Variants in ABCF2 observed in about 807,000 individuals in gnomAD.
ABCF2 encodes ATP-binding cassette sub-family F member 2.
Under a neutral mutation model 76.9 loss-of-function variants are expected in ABCF2, and 37 were observed. That is an observed-to-expected ratio of 0.48 (90% CI 0.37 to 0.63). ABCF2 has a LOEUF of 0.63. Ranked by LOEUF, ABCF2 falls within the 30% of genes least tolerant of loss-of-function variation. The pLI is 0.00. For missense variants in ABCF2, 524 were observed against 782.1 expected (o/e 0.67, Z 3.94); for synonymous variants, 299 against 283.7 (o/e 1.05, Z -0.54).
chr7:151,221,151 G>A (rs1279373880), intron 7 of ABCF2, among the ~76,000 whole-genome samples: 2 of 151,772 alleles, frequency 1.3e-5, no homozygotes, highest in African/African-American at 2.4e-5. Flanking sequence ...AGGACTCCTT[G>A]TCCATATCTT....
intron 7 of ABCF2, among the ~76,000 whole-genome samples, chr7:151,219,368 C>T (rs1237884139): frequency 6.6e-6 from 1 of 152,218 alleles, no homozygotes; most frequent in African/African-American, 2.4e-5. Context: ...TCAGCCCAGC[C>T]AGGGCCAGGC....
chr7:151,225,793 G>A (rs1165147629), intron 2 of ABCF2, among the ~76,000 whole-genome samples: 2 of 152,142 alleles, frequency 1.3e-5, no homozygotes, highest in South Asian at 2.1e-4. Flanking sequence ...GAGGGAAGAC[G>A]GTAGTGCCTC....
chr7:151,226,349 G>A lies in ABCF2; in HGVS notation c.110C>T (p.Pro37Leu). The A allele has an allele frequency of 6.2e-7, 1 of 1,614,074 alleles. No individual in the cohort carries two copies. The highest frequency in any genetic ancestry group is 8.5e-7 in the Non-Finnish European group (1 of 1,180,006). Residue 37 changes from proline (P) to leucine (L), a missense_variant, in exon 2 of 15, where the codon CCA (proline) becomes CTA (leucine). Transcript: ENST00000287844. ...HEENGDVVTE[P>L]QVAEKNEANG... ...GGCCTCATTCTTCTCTGCCACCTGT[G>A]GTTCTGTGACAACATCTCCATTTTC...
intron 7 of ABCF2, among the ~76,000 whole-genome samples, chr7:151,219,496 CT>C (rs1447141678): frequency 6.6e-6 from 1 of 152,136 alleles, no homozygotes; most frequent in Non-Finnish European, 1.5e-5. Context: ...CCTCCTATTC[CT>C]TCCCCGTTCC....
rs779314803 is a variant in ABCF2 at position 151,219,072 on chromosome 7, G to A, written c.1009C>T (p.His337Tyr). 1 of 1,613,998 alleles carries A rather than the reference G, an allele frequency of 6.2e-7. No individual in the cohort carries two copies. The highest frequency in any genetic ancestry group is 8.5e-7 in the Non-Finnish European group (1 of 1,180,006). ...CTCTGCAGTCTCCCTACCTTCATGT[G>A]TGCAATCTGATCTTGCTCCCAGTGA... ...RFHWEQDQIA[H>Y]MKNYIARFGH... The change falls in exon 8 of 15, where the codon CAC (histidine) becomes TAC (tyrosine). Residue 337 changes from histidine (H) to tyrosine (Y), a missense_variant. His to Tyr is a moderately conservative substitution (Grantham distance 83). Coordinates refer to ENST00000287844, the MANE Select transcript of ABCF2 (RefSeq NM_007189.3).
intron 7 of ABCF2, among the ~76,000 whole-genome samples, chr7:151,219,912 A>T (rs1294751117): frequency 6.6e-6 from 1 of 152,100 alleles, no homozygotes; most frequent in Admixed American, 6.6e-5. Context: ...CAGCCTAGCC[A>T]ACATGGCGAA....
Position 151,223,869 on chromosome 7 carries a change from A to G in ABCF2, c.551-20T>C, listed in dbSNP as rs767513092. ...ACTCCGCTGTGGACAGTGTATGGCC[A>G]TGAGGCTCCTGGGGGCCTTTCTGGG... On this transcript the variant is annotated intron_variant, in intron 4 of 14. Coordinates refer to ENST00000287844, the MANE Select transcript of ABCF2 (RefSeq NM_007189.3). 8 of 1,606,726 alleles carry G rather than the reference A, an allele frequency of 5.0e-6. No individual in the cohort carries two copies. Among genetic ancestry groups the G allele is most frequent in the Non-Finnish European group, 6.0e-6 (7 of 1,174,936 alleles).
Position 151,211,539 on chromosome 7 carries a change from G to A in ABCF2, c.*2515C>T, listed in dbSNP as rs1291184419. 2 of 985,064 alleles carry A rather than the reference G, an allele frequency of 2.0e-6. No homozygotes were observed. The highest frequency in any genetic ancestry group is 3.5e-5 in the African/African-American group (2 of 57,198). 61.0% of individuals were successfully genotyped at this position (985,064 alleles called of 1,614,324 possible). ...TTAAAGCATTATTTAAATTACCAAGGTTGACATTTTTCTTGACAAATAAGC... is the reference window on the plus strand; with the variant it reads ...TTAAAGCATTATTTAAATTACCAAGATTGACATTTTTCTTGACAAATAAGC... On this transcript the variant is annotated 3_prime_UTR_variant, in exon 15 of 15. Transcript: ENST00000287844.
In ABCF2 at chr7:151,213,984, T is replaced by C; in HGVS notation, c.*70A>G. ...GGAGTGTAGCCCCAGGGTCCTGTCC[T>C]GAGCGGCTGGTCAGGTTAGCAGCTG... On this transcript the variant is annotated 3_prime_UTR_variant, in exon 15 of 15. Transcript: ENST00000287844. 6.3e-7 allele frequency: 1 copy of C among 1,594,866 alleles called. No individual in the cohort carries two copies.
At position 151,211,520 on chromosome 7, in the gene ABCF2, C is replaced by T. The variant is rs1802044172; in HGVS notation, c.*2534G>A. The T allele has an allele frequency of 3.0e-6, 3 of 984,200 alleles. No homozygotes were observed. The highest frequency in any genetic ancestry group is 3.6e-6 in the Non-Finnish European group (3 of 828,812). The allele number at this position is 984,200 out of a possible 1,614,324, so 61.0% of individuals were successfully genotyped here. ...ATATGTATTTTGTGGACTTTTAAAG[C>T]ATTATTTAAATTACCAAGGTTGACA... is the stretch of plus-strand genomic sequence containing the variant. On this transcript the variant is annotated 3_prime_UTR_variant, in exon 15 of 15. Coordinates refer to ENST00000287844, the MANE Select transcript of ABCF2 (RefSeq NM_007189.3).
In ABCF2 at chr7:151,215,145, T is replaced by C. The variant is rs146594753; in HGVS notation, c.1531-63A>G. ...TCCCCGCCAAACAGCACAGCTCATC[T>C]CTCCCTCATTTCTCCCTGACTCCTC... On this transcript the variant is annotated intron_variant, in intron 13 of 14. Coordinates refer to ENST00000287844, the MANE Select transcript of ABCF2 (RefSeq NM_007189.3). This position sits in a 1 kb window ranked among gnomAD's most constrained non-coding sequence, Gnocchi z 4.6. 6.9e-7 allele frequency: 1 copy of C among 1,448,630 alleles called. No individual in the cohort carries two copies. The highest frequency in any genetic ancestry group is 9.5e-7 in the Non-Finnish European group (1 of 1,051,538). 89.7% of individuals were successfully genotyped at this position (1,448,630 alleles called of 1,614,324 possible).
intron 6 of ABCF2, 67 bp downstream of exon 6, chr7:151,222,454 G>A: frequency 7.6e-7 from 1 of 1,313,206 alleles, no homozygotes; most frequent in Non-Finnish European, 1.1e-6. Flanking sequence ...TGCAGTTTCT[G>A]GGCATCCATT....
Position 151,222,510 on chromosome 7 carries a change from C to T in ABCF2, c.818+11G>A, listed in dbSNP as rs1802289239. ...ACCTGCCCGCTCACATCCCCCATTC[C>T]ACCCTCTTACGTTTTTAGTTCTTCT... On this transcript the variant is annotated intron_variant, in intron 6 of 14. Transcript: ENST00000287844. The T allele has an allele frequency of 1.9e-6, 3 of 1,611,026 alleles. No individual in the cohort carries two copies. In the East Asian group the frequency reaches 6.7e-5, roughly 36 times the overall value.
Position 151,214,195 on chromosome 7 carries a change from G to C in ABCF2, c.1735-4C>G. 6.2e-7 allele frequency: 1 copy of C among 1,614,158 alleles called. No individual in the cohort carries two copies. On this transcript the variant is annotated splice_region_variant and splice_polypyrimidine_tract_variant and intron_variant, in intron 14 of 14. Transcript: ENST00000287844. This position sits in a 1 kb window ranked among gnomAD's most constrained non-coding sequence, Gnocchi z 4.9. ...AGACCCAAATTTCCTGTGCAACCTA[G>C]AAAGCAAAACCTGGACTTAATCCTG...
At position 151,221,584 on chromosome 7, in the gene ABCF2, A is replaced by G. The variant is rs758982461; in HGVS notation, c.915T>C (p.Tyr305=). The G allele has an allele frequency of 1.3e-6, 2 of 1,584,998 alleles. No homozygotes were observed. The highest frequency in any genetic ancestry group is 1.1e-5 in the South Asian group (1 of 90,432). The change falls in exon 7 of 15, where the codon TAT becomes TAC. Residue 305 remains tyrosine, a synonymous_variant. Transcript: ENST00000287844. ...GAAGCCGAGGCCCACTCACCGTATAATACTTCAGTTTCTTGTTGTGCATGT... is the reference window on the plus strand; with the variant it reads ...GAAGCCGAGGCCCACTCACCGTATAGTACTTCAGTTTCTTGTTGTGCATGT... ...IIHMHNKKLK[Y]YTGNYDQYVK...
At position 151,221,620 on chromosome 7, in the gene ABCF2, G is replaced by A. The variant is rs374988759; in HGVS notation, c.879C>T (p.Thr293=). 16 of 1,610,892 alleles carry A rather than the reference G, an allele frequency of 9.9e-6. No homozygotes were observed. In the African/African-American group the frequency reaches 1.9e-4, roughly 19 times the overall value. The part of the protein sequence containing the change: ...HSQDFLNGVC[T]NIIHMHNKKL... ...TCTTGTTGTGCATGTGAATGATATT[G>A]GTACAGACACCATTCAGAAAATCCT... The change falls in exon 7 of 15, where the codon ACC becomes ACT. Residue 293 remains threonine (T), a synonymous_variant. Transcript: ENST00000287844.
In ABCF2 at chr7:151,214,103, T is replaced by C. The variant is rs762295078; in HGVS notation, c.1823A>G (p.Lys608Arg). The C allele has an allele frequency of 1.2e-6, 2 of 1,614,070 alleles. No homozygotes were observed. The highest frequency in any genetic ancestry group is 1.7e-6 in the Non-Finnish European group (2 of 1,180,044). Residue 608 changes from lysine (K) to arginine (R), a missense_variant, in exon 15 of 15, where the codon AAG (lysine) becomes AGG (arginine). Lys to Arg is a conservative substitution (Grantham distance 26). Transcript: ENST00000287844. The surrounding 1 kb of genome is among the most constrained non-coding windows in gnomAD (Gnocchi z 4.9). ...ILAYKEHLKS[K>R]LVDEEPQLTK... is the part of the protein sequence containing the mutation. ...GAGCTGGGGCTCCTCATCCACCAGC[T>C]TGGACTTGAGGTGCTCCTTGTAAGC... is the stretch of plus-strand genomic sequence containing the variant.
chr7:151,223,240 T>C lies in ABCF2; in HGVS notation c.722+438A>G, dbSNP rs182986402. Among the ~76,000 whole-genome samples the C allele has an allele frequency of 2.0e-5, 3 of 152,172 alleles. No individual in the cohort carries two copies. The East Asian group carries it at 5.8e-4, about 29-fold the overall frequency. ...TGTTTAGTGACTCTGGGGGGATTAT[T>C]GGGGGAATGCTGGTCTATGGAAACT... On this transcript the variant is annotated intron_variant, in intron 5 of 14. Coordinates refer to ENST00000287844, the MANE Select transcript of ABCF2 (RefSeq NM_007189.3).
intron 5 of ABCF2, among the ~76,000 whole-genome samples, chr7:151,223,048 A>G (rs747129299): frequency 3.9e-5 from 6 of 152,188 alleles, no homozygotes; most frequent in Non-Finnish European, 8.8e-5. Flanking sequence ...CCCAAACCAG[A>G]AATCTGTGTT....
Sources: gnomAD v4.1 joint callset for allele counts (sites outside exome capture counted in the v4.1 genomes callset) on GRCh38, gnomAD v4.1.1 for gene constraint, Gnocchi (gnomAD v3.1) non-coding constraint, MANE v1.5 for transcripts, NCBI Gene and HGNC (gene_info 2026-07-23, HGNC 2026-07-21) for gene names.